The following WDR49 variants were observed in gnomAD, a reference collection of about 807,000 sequenced individuals.
The protein encoded by WDR49 is cilia- and flagella-associated protein 337.
A neutral mutation model predicts 119.5 loss-of-function variants in WDR49; 107 were observed. The ratio of observed to expected loss-of-function variants is 0.90; its 90% CI spans 0.77 to 1.05. The LOEUF (loss-of-function observed/expected upper bound fraction) is 1.05. Ranked by LOEUF, WDR49 falls within the 50% of genes least tolerant of loss-of-function variation. The probability of loss-of-function intolerance (pLI) is 0.00; values close to 1 mark genes in which losing one functional copy is unlikely to be tolerated. For missense variants in WDR49, 1,240 were observed against 1,220.5 expected (o/e 1.02, Z -0.24); for synonymous variants, 425 against 418.8 (o/e 1.01, Z -0.18).
intron 15 of WDR49, among the ~76,000 whole-genome samples, chr3:167,526,846 G>C (rs1752651156): frequency 6.6e-6 from 1 of 151,986 alleles, no homozygotes; most frequent in Non-Finnish European, 1.5e-5. Flanking sequence ...TACTCTCCTG[G>C]CATAAGATTG....
intron 10 of WDR49, among the ~76,000 whole-genome samples, chr3:167,550,834 G>A (rs573452350): frequency 4.0e-5 from 6 of 150,366 alleles, no homozygotes; most frequent in Non-Finnish European, 5.9e-5. Context: ...GATTTTGGAG[G>A]CAGGATAAAA....
At chr3:167,540,872 T>C (rs796271806) in intron 10 of WDR49, among the ~76,000 whole-genome samples, 2 of 151,890 alleles carry the variant, frequency 1.3e-5, no homozygotes, top group South Asian at 2.1e-4. Flanking sequence ...TCACAACTTC[T>C]GAAAATGAAA....
intron 3 of WDR49, 43 bp downstream of exon 3, chr3:167,626,809 C>G (rs182898090): frequency 8.1e-7 from 1 of 1,227,198 alleles, no homozygotes; most frequent in Non-Finnish European, 1.0e-6. Context: ...CATAAGTTTT[C>G]CCTCTTTTAC....
intron 18 of WDR49, among the ~76,000 whole-genome samples, chr3:167,498,913 C>T (rs537384250): frequency 5.3e-5 from 8 of 152,080 alleles, no homozygotes; most frequent in African/African-American, 9.6e-5. Flanking sequence ...AGACTGGTTC[C>T]GAGGCCTTTC....
chr3:167,599,336 G>A (rs1357882650), intron 7 of WDR49, among the ~76,000 whole-genome samples: 4 of 152,146 alleles, frequency 2.6e-5, no homozygotes, highest in African/African-American at 9.7e-5. Flanking sequence ...CATTTTCACA[G>A]GCAGAGGAGC....
chr3:167,610,898 G>A (rs1043648432), intron 5 of WDR49, among the ~76,000 whole-genome samples: 1 of 152,126 alleles, frequency 6.6e-6, no homozygotes, highest in Non-Finnish European at 1.5e-5. Context: ...GTCTCTGTCT[G>A]GTAATCCGGA....
intron 5 of WDR49, among the ~76,000 whole-genome samples, chr3:167,607,768 A>C (rs745530192): frequency 6.6e-6 from 1 of 151,972 alleles, no homozygotes; most frequent in Non-Finnish European, 1.5e-5. Context: ...CCAAGCCCCT[A>C]ATTTATCTTG....
Position 167,543,536 on chromosome 3 carries a change from A to G in WDR49, c.1824-6536T>C, listed in dbSNP as rs532809026. 5.9e-5 allele frequency among the ~76,000 whole-genome samples: 9 copies of G among 152,306 alleles called. 1 individual carries two copies. In the South Asian group the frequency reaches 1.9e-3, roughly 32 times the overall value. ...ATCACATAAACAGAATTAAAAATAA[A>G]TATCATATGATTATCTCAATAGATG... On this transcript the variant is annotated intron_variant, in intron 10 of 18. Transcript: ENST00000682715.
chr3:167,585,036 TC>T (rs1274094494), intron 7 of WDR49, among the ~76,000 whole-genome samples: 1 of 152,146 alleles, frequency 6.6e-6, no homozygotes, highest in South Asian at 2.1e-4. Context: ...TTTGTTTTTT[TC>T]ATTCAAAAGT....
chr3:167,587,480 CT>C (rs1364518553), intron 7 of WDR49, among the ~76,000 whole-genome samples: 2 of 151,758 alleles, frequency 1.3e-5, no homozygotes, highest in Admixed American at 6.6e-5. Context: ...AGACACTGAC[CT>C]TTTTTTTCAC....
At chr3:167,555,964 A>G (rs947812090) in intron 9 of WDR49, among the ~76,000 whole-genome samples, 3 of 152,222 alleles carry the variant, frequency 2.0e-5, no homozygotes, top group African/African-American at 7.2e-5. Flanking sequence ...ATGTTACTGT[A>G]CTGAATACTG....
intron 16 of WDR49, among the ~76,000 whole-genome samples, chr3:167,518,136 T>A (rs1258505602): frequency 4.6e-5 from 7 of 152,102 alleles, no homozygotes; most frequent in African/African-American, 1.7e-4. Context: ...TCTATCATTG[T>A]TGGACATTTG....
intron 14 of WDR49, 117 bp downstream of exon 14, chr3:167,528,935 C>T (rs1284518426): frequency 1.2e-5 from 9 of 721,456 alleles, no homozygotes; most frequent in South Asian, 3.6e-5. Context: ...ATTTAAAACA[C>T]TTAGACTATA....
intron 7 of WDR49, among the ~76,000 whole-genome samples, chr3:167,578,596 T>A (rs938826509): frequency 6.6e-6 from 1 of 152,160 alleles, no homozygotes; most frequent in African/African-American, 2.4e-5. Context: ...CTATTGTTAT[T>A]ATTTTAAATA....
intron 2 of WDR49, among the ~76,000 whole-genome samples, chr3:167,638,654 A>T (rs1441723864): frequency 6.6e-6 from 1 of 151,634 alleles, no homozygotes; most frequent in East Asian, 1.9e-4. Context: ...ACTAATGAAC[A>T]TTTATGAGAA....
chr3:167,607,015 A>G (rs1284503931), intron 5 of WDR49, among the ~76,000 whole-genome samples: 1 of 152,182 alleles, frequency 6.6e-6, no homozygotes, highest in Non-Finnish European at 1.5e-5. Context: ...AAAAAGGAAT[A>G]TGAGCTAATG....
intron 5 of WDR49, among the ~76,000 whole-genome samples, chr3:167,619,001 A>T (rs952530319): frequency 2.0e-5 from 3 of 152,278 alleles, no homozygotes; most frequent in Admixed American, 1.3e-4. Context: ...AAGAATATAT[A>T]GATATAATGC....
chr3:167,608,879 A>T (rs991448882), intron 5 of WDR49, among the ~76,000 whole-genome samples: 4 of 152,194 alleles, frequency 2.6e-5, no homozygotes, highest in Non-Finnish European at 4.4e-5. Flanking sequence ...ATCCATTAAG[A>T]TGCTAACTTT....
intron 2 of WDR49, among the ~76,000 whole-genome samples, chr3:167,650,727 C>T (rs1718336015): frequency 6.6e-6 from 1 of 152,072 alleles, no homozygotes; most frequent in South Asian, 2.1e-4. Flanking sequence ...TGTCAGAGGT[C>T]ACATGGTTTA....
Sources: gnomAD v4.1 joint callset for allele counts (sites outside exome capture counted in the v4.1 genomes callset) on GRCh38, gnomAD v4.1.1 for gene constraint, MANE v1.5 for transcripts, NCBI Gene and HGNC (gene_info 2026-07-23, HGNC 2026-07-21) for gene names.